Variants in CDKAL1 observed in about 807,000 individuals in gnomAD.
CDKAL1 encodes CDKAL1 threonylcarbamoyladenosine tRNA methylthiotransferase.
CDKAL1 carries 32 observed loss-of-function variants against 68.2 expected under a neutral mutation model. The observed-to-expected ratio is 0.47, with a 90% CI of 0.35 to 0.63. The LOEUF (loss-of-function observed/expected upper bound fraction) is 0.63. Ranked by LOEUF, CDKAL1 falls within the 30% of genes least tolerant of loss-of-function variation. The pLI is 0.00. For synonymous variants in CDKAL1, 234 were observed against 244.3 expected, an observed-to-expected ratio of 0.96 and a Z score of 0.39; for missense variants, 606 against 696.7, an observed-to-expected ratio of 0.87 and a Z score of 1.47.
intron 4 of CDKAL1, among the ~76,000 whole-genome samples, chr6:20,583,917 T>A (rs1431483071): frequency 6.6e-6 from 1 of 152,184 alleles, no homozygotes; most frequent in East Asian, 1.9e-4. Flanking sequence ...AGCATAAATT[T>A]ATTTTATTAA....
intron 5 of CDKAL1, among the ~76,000 whole-genome samples, chr6:20,659,967 C>T (rs1220895292): frequency 6.6e-6 from 1 of 152,130 alleles, no homozygotes; most frequent in African/African-American, 2.4e-5. Context: ...TTCCCAAGCA[C>T]ATAATGTATT....
At chr6:20,641,878 AC>A (rs1768194702) in intron 4 of CDKAL1, among the ~76,000 whole-genome samples, 1 of 152,158 alleles carries the variant, frequency 6.6e-6, no homozygotes, top group Non-Finnish European at 1.5e-5. Context: ...TAAGTATCCT[AC>A]AAGCACATGT....
At chr6:20,565,985 A>G (rs1764445072) in intron 4 of CDKAL1, among the ~76,000 whole-genome samples, 1 of 150,366 alleles carries the variant, frequency 6.7e-6, no homozygotes, top group South Asian at 2.1e-4. Context: ...GCACTCAGTG[A>G]TTTTTTTTTT....
chr6:20,907,954 A>G (rs1039852272), intron 9 of CDKAL1, among the ~76,000 whole-genome samples: 20 of 152,172 alleles, frequency 1.3e-4, no homozygotes, highest in African/African-American at 4.8e-4. Flanking sequence ...TGAGCTGGGA[A>G]CGCTGACATC....
rs140543142 is a variant in CDKAL1 at position 21,010,823 on chromosome 6, C to T, written c.1055+10451C>T. Among the ~76,000 whole-genome samples the T allele has an allele frequency of 5.1e-3, 776 of 152,266 alleles. 2 individuals carry two copies. Among genetic ancestry groups the T allele is most frequent in the Middle Eastern group, 0.02 (6 of 294 alleles). Reference sequence around the variant, plus strand: ...CCAGGGCTGGGCGCGATGGTTCACGCCTGTAACCCCAGCACTTTGGGAGGC... The same window carrying T: ...CCAGGGCTGGGCGCGATGGTTCACGTCTGTAACCCCAGCACTTTGGGAGGC... On this transcript the variant is annotated intron_variant, in intron 11 of 15. Coordinates refer to ENST00000274695, the MANE Select transcript of CDKAL1 (RefSeq NM_017774.3).
At chr6:21,205,461 T>A (rs997502367) in intron 15 of CDKAL1, among the ~76,000 whole-genome samples, 6 of 151,778 alleles carry the variant, frequency 4.0e-5, no homozygotes, top group South Asian at 2.1e-4. Context: ...ACACCAACAC[T>A]TATTTTCTCT....
intron 7 of CDKAL1, among the ~76,000 whole-genome samples, chr6:20,761,905 G>A (rs750354583): frequency 6.6e-6 from 1 of 152,106 alleles, no homozygotes; most frequent in Non-Finnish European, 1.5e-5. Flanking sequence ...GAACCCTAAT[G>A]TAAACTGTGG....
At chr6:21,166,943 T>C (rs1777178815) in intron 13 of CDKAL1, among the ~76,000 whole-genome samples, 1 of 152,190 alleles carries the variant, frequency 6.6e-6, no homozygotes, top group Non-Finnish European at 1.5e-5. Flanking sequence ...CAGACTGACA[T>C]CTGGTTCCAC....
intron 9 of CDKAL1, among the ~76,000 whole-genome samples, 189 bp downstream of exon 9, chr6:20,846,367 T>C (rs1357337293): frequency 2.0e-5 from 3 of 152,208 alleles, no homozygotes; most frequent in Non-Finnish European, 2.9e-5. Context: ...ATGACTCTTC[T>C]TTTACTACGC....
At chr6:21,057,540 G>A (rs1054801393) in intron 11 of CDKAL1, among the ~76,000 whole-genome samples, 1 of 151,132 alleles carries the variant, frequency 6.6e-6, no homozygotes, top group Non-Finnish European at 1.5e-5. Context: ...TCTGAGCTTG[G>A]TTATTTCTTG....
chr6:20,933,933 T>TC (rs1281884873), intron 9 of CDKAL1, among the ~76,000 whole-genome samples: 1 of 151,974 alleles, frequency 6.6e-6, no homozygotes, highest in Non-Finnish European at 1.5e-5. Flanking sequence ...TCTTTTTTTT[T>TC]TTTTTAAATA....
chr6:21,099,336 G>C (rs998434112), intron 12 of CDKAL1, among the ~76,000 whole-genome samples: 1 of 152,132 alleles, frequency 6.6e-6, no homozygotes, highest in Non-Finnish European at 1.5e-5. Context: ...TGTTAATAAA[G>C]GAATGAGCAC....
chr6:20,899,873 T>C (rs1761879686), intron 9 of CDKAL1, among the ~76,000 whole-genome samples: 1 of 152,166 alleles, frequency 6.6e-6, no homozygotes, highest in Admixed American at 6.5e-5. Context: ...TTTATTCTCA[T>C]AACTCTGTGA....
intron 8 of CDKAL1, among the ~76,000 whole-genome samples, chr6:20,810,613 T>A (rs1776767552): frequency 7.7e-6 from 1 of 130,480 alleles, no homozygotes. Flanking sequence ...AAAAAGATTA[T>A]GTGTGTATGT....
At chr6:20,791,870 T>C (rs1201659123) in intron 8 of CDKAL1, among the ~76,000 whole-genome samples, 2 of 152,078 alleles carry the variant, frequency 1.3e-5, no homozygotes, top group Non-Finnish European at 2.9e-5. Context: ...GAAAGTGAGT[T>C]GCACTTGGAA....
intron 9 of CDKAL1, among the ~76,000 whole-genome samples, chr6:20,853,168 G>A (rs1342654230): frequency 1.3e-5 from 2 of 151,934 alleles, no homozygotes; most frequent in East Asian, 1.9e-4. Context: ...GATCACTTGA[G>A]TTCAGGAGTT....
At chr6:20,827,446 A>G (rs950701914) in intron 8 of CDKAL1, among the ~76,000 whole-genome samples, 3 of 152,184 alleles carry the variant, frequency 2.0e-5, no homozygotes, top group Non-Finnish European at 4.4e-5. Flanking sequence ...ACAATAGCAA[A>G]GAAACCTTTA....
At chr6:21,165,633 A>G (rs902768790) in intron 13 of CDKAL1, among the ~76,000 whole-genome samples, 16 of 152,202 alleles carry the variant, frequency 1.1e-4, no homozygotes, top group South Asian at 6.2e-4. Flanking sequence ...TCTCATTTTC[A>G]TAGTATTTTC....
At chr6:20,561,979 A>G (rs79167703) in intron 4 of CDKAL1, among the ~76,000 whole-genome samples, 3,055 of 152,316 alleles carry the variant, frequency 0.02, 40 homozygotes, top group Non-Finnish European at 0.029. Flanking sequence ...TACAAATTAT[A>G]TTGAATCAGA....
Sources: gnomAD v4.1 joint callset for allele counts (sites outside exome capture counted in the v4.1 genomes callset) on GRCh38, gnomAD v4.1.1 for gene constraint, MANE v1.5 for transcripts, NCBI Gene and HGNC (gene_info 2026-07-23, HGNC 2026-07-21) for gene names.